The following WWOX variants were observed in gnomAD, a reference collection of about 807,000 sequenced individuals.
WWOX encodes the protein WW domain containing oxidoreductase.
A neutral mutation model predicts 46.2 loss-of-function variants in WWOX; 69 were observed. The ratio of observed to expected loss-of-function variants is 1.49; its 90% CI spans 1.23 to 1.82. The LOEUF (loss-of-function observed/expected upper bound fraction) is 1.82. WWOX is among the 40% of genes most tolerant of loss of function. WWOX has a pLI of 0.00. For synonymous variants in WWOX, 359 were observed against 202.6 expected, an observed-to-expected ratio of 1.77 and a Z score of -6.56; for missense variants, 919 against 542.6, an observed-to-expected ratio of 1.69 and a Z score of -6.89.
chr16:78,813,254 T>G lies in WWOX; in HGVS notation c.1056+380502T>G, dbSNP rs149703519. 2.4e-3 allele frequency among the ~76,000 whole-genome samples: 361 copies of G among 152,294 alleles called. 1 individual carries two copies. The highest frequency in any genetic ancestry group is 8.2e-3 in the African/African-American group (339 of 41,558). On this transcript the variant is annotated intron_variant, in intron 8 of 8. Coordinates refer to ENST00000566780, the MANE Select transcript of WWOX (RefSeq NM_016373.4). The stretch of plus-strand genomic sequence containing the variant: ...CAGAGATGTTTTAGGTCATAAGTAT[T>G]TTTCATTTAATTTTTTTTCCCCTTA...
intron 8 of WWOX, among the ~76,000 whole-genome samples, chr16:78,771,187 A>T (rs2142519759): frequency 6.6e-6 from 1 of 152,320 alleles, no homozygotes; most frequent in South Asian, 2.1e-4. Flanking sequence ...AGTCTTGAAC[A>T]CAGAACTGAC....
intron 5 of WWOX, among the ~76,000 whole-genome samples, chr16:78,165,778 C>A (rs59137451): frequency 0.099 from 15,126 of 152,186 alleles, 882 homozygotes; most frequent in African/African-American, 0.15. Flanking sequence ...AGATTTATTT[C>A]TGCTTTTTCA....
chr16:78,642,381 T>C (rs977499282), intron 8 of WWOX, among the ~76,000 whole-genome samples: 3 of 152,174 alleles, frequency 2.0e-5, no homozygotes, highest in African/African-American at 7.2e-5. Context: ...ATGCTGACTT[T>C]CCTTTTTTGC....
intron 8 of WWOX, among the ~76,000 whole-genome samples, chr16:78,524,893 C>A: frequency 8.0e-6 from 1 of 124,834 alleles, no homozygotes; most frequent in Non-Finnish European, 1.6e-5. Flanking sequence ...TGAGGCAGGC[C>A]TTAGGTCTGG....
At chr16:78,637,242 T>G (rs1296598858) in intron 8 of WWOX, among the ~76,000 whole-genome samples, 1 of 152,082 alleles carries the variant, frequency 6.6e-6, no homozygotes, top group East Asian at 1.9e-4. Context: ...GGCAACATGG[T>G]GAACTCCCCC....
At chr16:78,958,790 T>C (rs1443284667) in intron 8 of WWOX, among the ~76,000 whole-genome samples, 1 of 152,164 alleles carries the variant, frequency 6.6e-6, no homozygotes, top group Non-Finnish European at 1.5e-5. Context: ...AATCTGAAAA[T>C]AGGACATGGT....
Position 79,038,136 on chromosome 16 carries a change from C to A in WWOX, c.1057-173472C>A, listed in dbSNP as rs568713811. On this transcript the variant is annotated intron_variant, in intron 8 of 8. Transcript: ENST00000566780. ...GATCCAGTTCAAAAGGATCTGTCCCCCCGTGAACCCCAGGACAGGGTGAGA... is the reference window on the plus strand; with the variant it reads ...GATCCAGTTCAAAAGGATCTGTCCCACCGTGAACCCCAGGACAGGGTGAGA... 1.4e-4 allele frequency among the ~76,000 whole-genome samples: 21 copies of A among 152,208 alleles called. No homozygotes were observed. In the South Asian group the frequency reaches 3.9e-3, roughly 29 times the overall value.
chr16:78,136,437 C>T (rs2033792384), intron 4 of WWOX, among the ~76,000 whole-genome samples: 1 of 152,164 alleles, frequency 6.6e-6, no homozygotes. Context: ...TTCATTGAGT[C>T]ATGTCTCTCT....
intron 8 of WWOX, among the ~76,000 whole-genome samples, chr16:78,462,635 G>C (rs2083978336): frequency 6.6e-6 from 1 of 152,192 alleles, no homozygotes; most frequent in Non-Finnish European, 1.5e-5. Context: ...CCTTAGCGGA[G>C]GCAGGAGCAG....
At chr16:79,089,106 G>T (rs578183065) in intron 8 of WWOX, among the ~76,000 whole-genome samples, 1 of 152,224 alleles carries the variant, frequency 6.6e-6, no homozygotes, top group South Asian at 2.1e-4. Context: ...CCAAGGGTGC[G>T]AATGTGACTT....
rs74029574 is a variant in WWOX, at chr16:78,584,141, C to T, written c.1056+151389C>T. On this transcript the variant is annotated intron_variant, in intron 8 of 8. Transcript: ENST00000566780. ...GTAAGATCCATGAGATCTAGGACCA[C>T]GTCTGTCTTGATCATTTCTCCTTCT... 5.1e-3 allele frequency among the ~76,000 whole-genome samples: 772 copies of T among 152,342 alleles called. 5 individuals are homozygous for T. Among genetic ancestry groups the T allele is most frequent in the African/African-American group, 0.017 (722 of 41,578 alleles).
At chr16:78,498,214 A>AAAAAGAAAG (rs2084967196) in intron 8 of WWOX, among the ~76,000 whole-genome samples, 1 of 128,192 alleles carries the variant, frequency 7.8e-6, no homozygotes, top group African/African-American at 2.8e-5. Flanking sequence ...CAAAAAAAAA[A>AAAAAGAAAG]AAAAGAAAAA....
rs757195574 is a variant in WWOX, at chr16:78,263,996, C to CTTTTTTTT, written c.516+99719_516+99726dup. Among the ~76,000 whole-genome samples the CTTTTTTTT allele has an allele frequency of 9.2e-3, 727 of 78,750 alleles. 126 individuals are homozygous for CTTTTTTTT. The highest frequency in any genetic ancestry group is 0.016 in the African/African-American group (271 of 16,482). 51.7% of individuals were successfully genotyped at this position (78,750 alleles called of 152,430 possible). The stretch of plus-strand genomic sequence containing the variant: ...AGAAATATGTGTTTGGCTGTGAAAT[C>CTTTTTTTT]TTTTTTTTTTTTTTTTTTTGTTTTT... On this transcript the variant is annotated intron_variant, in intron 5 of 8. Transcript: ENST00000566780.
chr16:78,900,645 TG>T (rs2044807955), intron 8 of WWOX, among the ~76,000 whole-genome samples: 1 of 152,222 alleles, frequency 6.6e-6, no homozygotes, highest in African/African-American at 2.4e-5. Context: ...CTTTCCTCTT[TG>T]GTTGCTTTGT....
intron 4 of WWOX, among the ~76,000 whole-genome samples, chr16:78,120,896 T>A (rs1009406422): frequency 3.9e-5 from 6 of 152,204 alleles, no homozygotes; most frequent in Non-Finnish European, 8.8e-5. Flanking sequence ...TACGCCAGCT[T>A]CCTTTACACC....
At chr16:78,288,791 G>C (rs1361604471) in intron 5 of WWOX, among the ~76,000 whole-genome samples, 1 of 152,078 alleles carries the variant, frequency 6.6e-6, no homozygotes, top group Non-Finnish European at 1.5e-5. Flanking sequence ...GCGCATCATT[G>C]CTCAGATAGA....
chr16:78,306,627 G>C (rs78573848), intron 5 of WWOX, among the ~76,000 whole-genome samples: 1,945 of 152,138 alleles, frequency 0.013, 40 homozygotes, highest in African/African-American at 0.044. Context: ...ACAATTCCCA[G>C]TGAGCCCAAC....
chr16:78,575,525 C>T (rs1175295323), intron 8 of WWOX, among the ~76,000 whole-genome samples: 1 of 152,012 alleles, frequency 6.6e-6, no homozygotes, highest in African/African-American at 2.4e-5. Context: ...TCACCCCATC[C>T]TAAGATCTTG....
In WWOX at chr16:78,871,111, C is replaced by G. The variant is rs1195039050; in HGVS notation, c.1057-340497C>G. ...AATTCAGTAAATACTTGTTGAATAT[C>G]AAATGAATGAACAAATGGCATTCTA... On this transcript the variant is annotated intron_variant, in intron 8 of 8. Transcript: ENST00000566780. 2.0e-5 allele frequency among the ~76,000 whole-genome samples: 3 copies of G among 150,658 alleles called. No homozygotes were observed. In the East Asian group the frequency reaches 5.9e-4, roughly 29 times the overall value.
Sources: allele counts gnomAD v4.1 joint callset (sites outside exome capture counted in the v4.1 genomes callset), GRCh38; gene constraint gnomAD v4.1.1; transcripts MANE v1.5; gene names NCBI Gene and HGNC (gene_info 2026-07-23, HGNC 2026-07-21).